The following WWC1 variants were observed in gnomAD, a reference collection of about 807,000 sequenced individuals.
The protein encoded by WWC1 is protein KIBRA.
Under a neutral mutation model 138.4 loss-of-function variants are expected in WWC1, and 55 were observed. The observed-to-expected ratio is 0.40, with a 90% CI of 0.32 to 0.50. WWC1 has a LOEUF of 0.50. Ranked by LOEUF, WWC1 falls within the 20% of genes least tolerant of loss-of-function variation. The pLI, the probability that WWC1 is intolerant of heterozygous loss-of-function variation, is 0.72. For synonymous variants in WWC1, 524 were observed against 564.9 expected (o/e 0.93, Z 1.03); for missense variants, 1,226 against 1,420.4 (o/e 0.86, Z 2.20).
intron 1 of WWC1, among the ~76,000 whole-genome samples, chr5:168,355,598 A>G (rs1448492237): frequency 6.6e-6 from 1 of 151,784 alleles, no homozygotes; most frequent in East Asian, 1.9e-4. Context: ...CCAGGCAGCG[A>G]GACCTGCGGG....
At chr5:168,405,367 G>C (rs142214856) in intron 5 of WWC1, among the ~76,000 whole-genome samples, 2 of 152,148 alleles carry the variant, frequency 1.3e-5, no homozygotes, top group African/African-American at 2.4e-5. Flanking sequence ...GGTGAGGCCA[G>C]GTATACTGCT....
rs1228003801 is a variant in WWC1, at chr5:168,471,322, G to A, written c.*2305G>A. Reference sequence around the variant, plus strand: ...GCTTCCTCCTGCCCCGTGGCTTCACGTCTCTGAACACATCAATCTCTGATG... The same window carrying A: ...GCTTCCTCCTGCCCCGTGGCTTCACATCTCTGAACACATCAATCTCTGATG... On this transcript the variant is annotated 3_prime_UTR_variant, in exon 23 of 23. Coordinates refer to ENST00000265293, the MANE Select transcript of WWC1 (RefSeq NM_015238.3). The A allele has an allele frequency of 4.6e-5, 7 of 152,216 alleles. No homozygotes were observed. The highest frequency in any genetic ancestry group is 1.4e-4 in the African/African-American group (6 of 41,444). 9.4% of individuals were successfully genotyped at this position (152,216 alleles called of 1,614,324 possible). A position where few individuals can be genotyped will look rare whatever the true frequency, so the allele number is the denominator to read the frequency against.
intron 11 of WWC1, among the ~76,000 whole-genome samples, chr5:168,427,542 T>C (rs1781591319): frequency 7.5e-6 from 1 of 133,264 alleles, no homozygotes; most frequent in African/African-American, 3.0e-5. Flanking sequence ...AGCAAACTTT[T>C]TTTTAATTTT....
intron 7 of WWC1, among the ~76,000 whole-genome samples, chr5:168,409,651 C>A (rs2152840089): frequency 6.6e-6 from 1 of 152,162 alleles, no homozygotes; most frequent in African/African-American, 2.4e-5. Flanking sequence ...CCAAGCCAAG[C>A]CATTTGGGGC....
chr5:168,460,200 G>T (rs17731886), intron 19 of WWC1, among the ~76,000 whole-genome samples: 2 of 152,172 alleles, frequency 1.3e-5, no homozygotes, highest in Non-Finnish European at 2.9e-5. Context: ...TAGACACCAG[G>T]GAAGAGTTGA....
intron 1 of WWC1, among the ~76,000 whole-genome samples, chr5:168,371,161 T>C (rs937209315): frequency 6.6e-6 from 1 of 152,194 alleles, no homozygotes; most frequent in Non-Finnish European, 1.5e-5. Flanking sequence ...GTTGACTTGC[T>C]CCAGTCACTT....
At chr5:168,313,944 C>T (rs911276038) in intron 1 of WWC1, among the ~76,000 whole-genome samples, 1 of 152,180 alleles carries the variant, frequency 6.6e-6, no homozygotes, top group Admixed American at 6.5e-5. Flanking sequence ...GGGGTTCACA[C>T]CTGCAGAGAA....
chr5:168,365,348 C>CAG (rs958609881), intron 1 of WWC1, among the ~76,000 whole-genome samples: 1 of 152,132 alleles, frequency 6.6e-6, no homozygotes, highest in Non-Finnish European at 1.5e-5. Context: ...AGCCAGCCCT[C>CAG]AGAGAGAGCA....
intron 10 of WWC1, 109 bp from the exon 11 acceptor site, chr5:168,423,424 G>T: frequency 1.6e-6 from 2 of 1,271,428 alleles, no homozygotes; most frequent in South Asian, 2.9e-5. Flanking sequence ...CCTAGAGATT[G>T]CCAAGCAAGT....
In WWC1 at chr5:168,464,752, C is replaced by T. The variant is rs1319451686; in HGVS notation, c.2940C>T (p.Arg980=). ...MKRPSSVKSL[R]SERLIRTSLD... ...AGCCTTCCTCGGTCAAGTCGCTGCG[C>T]TCCGAGCGTCTGATCCGTACCTCGC... Residue 980 remains arginine (R), a synonymous_variant, in exon 21 of 23, where the codon CGC becomes CGT. Coordinates refer to ENST00000265293, the MANE Select transcript of WWC1 (RefSeq NM_015238.3). The T allele has an allele frequency of 2.5e-6, 4 of 1,614,098 alleles. No individual in the cohort carries two copies. The highest frequency in any genetic ancestry group is 2.5e-6 in the Non-Finnish European group (3 of 1,180,052).
At chr5:168,464,393 T>C (rs1363728215) in intron 20 of WWC1, among the ~76,000 whole-genome samples, 6 of 152,164 alleles carry the variant, frequency 3.9e-5, no homozygotes. Flanking sequence ...GCCAGCTTCC[T>C]GGAGTGGAGC....
At chr5:168,421,419 A>T (rs1781081923) in intron 9 of WWC1, among the ~76,000 whole-genome samples, 1 of 152,178 alleles carries the variant, frequency 6.6e-6, no homozygotes, top group Non-Finnish European at 1.5e-5. Context: ...TACCATTTGT[A>T]CTTTTTCTTC....
chr5:168,314,890 G>T (rs901763646), intron 1 of WWC1, among the ~76,000 whole-genome samples: 3 of 152,238 alleles, frequency 2.0e-5, no homozygotes, highest in Non-Finnish European at 4.4e-5. Flanking sequence ...TTAGGACACT[G>T]CCCTCGCCAG....
intron 1 of WWC1, among the ~76,000 whole-genome samples, chr5:168,362,915 G>A (rs564049330): frequency 8.3e-4 from 126 of 152,278 alleles, no homozygotes; most frequent in Middle Eastern, 3.4e-3. Flanking sequence ...TGGAGGAACC[G>A]TCTGGAATCT....
chr5:168,338,843 AG>A (rs1206774328), intron 1 of WWC1, among the ~76,000 whole-genome samples: 1 of 152,208 alleles, frequency 6.6e-6, no homozygotes, highest in Non-Finnish European at 1.5e-5. Flanking sequence ...AGGGAGAGTT[AG>A]GGAGAGATTT....
chr5:168,399,392 A>G, intron 4 of WWC1, 96 bp from the exon 5 acceptor site: 5 of 1,274,160 alleles, frequency 3.9e-6, no homozygotes, highest in Non-Finnish European at 5.6e-6. Flanking sequence ...ATGCAGGCGC[A>G]GTGGGAGGCT....
chr5:168,397,677 A>T, intron 3 of WWC1, 47 bp from the exon 4 acceptor site: 4 of 1,608,174 alleles, frequency 2.5e-6, no homozygotes, highest in Non-Finnish European at 3.4e-6. Context: ...ACTTTGCTGA[A>T]ATCTGTTTCT....
chr5:168,426,400 C>T (rs1451223548), intron 11 of WWC1, among the ~76,000 whole-genome samples: 1 of 152,104 alleles, frequency 6.6e-6, no homozygotes, highest in Non-Finnish European at 1.5e-5. Context: ...CCCCTCCTCT[C>T]CCCTCCCTAA....
At chr5:168,439,069 C>A (rs1378100206) in intron 15 of WWC1, among the ~76,000 whole-genome samples, 2 of 152,094 alleles carry the variant, frequency 1.3e-5, no homozygotes, top group Non-Finnish European at 1.5e-5. Flanking sequence ...GGTCACTCCC[C>A]CTGGCACCTC....
Sources: gnomAD v4.1 joint callset for allele counts (sites outside exome capture counted in the v4.1 genomes callset) on GRCh38, gnomAD v4.1.1 for gene constraint, MANE v1.5 for transcripts, NCBI Gene and HGNC (gene_info 2026-07-23, HGNC 2026-07-21) for gene names.